The following TBCEL variants were observed in gnomAD, a reference collection of about 807,000 sequenced individuals.
The protein encoded by TBCEL is tubulin-specific chaperone cofactor E-like protein.
Under a neutral mutation model 44.2 loss-of-function variants are expected in TBCEL, and 15 were observed. The observed-to-expected ratio is 0.34, with a 90% CI of 0.23 to 0.52. The LOEUF is 0.52. Among genes scored for constraint, TBCEL ranks in the 20% least tolerant of loss-of-function variants. TBCEL has a pLI of 0.95. For missense variants in TBCEL, 319 were observed against 506.3 expected (o/e 0.63, Z 3.55); for synonymous variants, 171 against 185.4 (o/e 0.92, Z 0.63).
At chr11:121,058,747 C>G (rs1307607574) in intron 7 of TBCEL, among the ~76,000 whole-genome samples, 2 of 151,840 alleles carry the variant, frequency 1.3e-5, no homozygotes, top group Non-Finnish European at 2.9e-5. Context: ...TATTTGAAGT[C>G]CTGTTTTGGG....
chr11:121,061,956 G>GT (rs765614289), intron 8 of TBCEL, among the ~76,000 whole-genome samples: 2 of 151,892 alleles, frequency 1.3e-5, no homozygotes, highest in African/African-American at 2.4e-5. Context: ...TTTTTAAAAC[G>GT]TTTTGACTCT....
At chr11:121,038,510 G>A (rs562853954) in intron 2 of TBCEL, among the ~76,000 whole-genome samples, 2 of 152,194 alleles carry the variant, frequency 1.3e-5, no homozygotes, top group Admixed American at 1.3e-4. Flanking sequence ...ACAGTGGATA[G>A]TTGTTCAAAA....
At position 121,069,347 on chromosome 11, in the gene TBCEL, G is replaced by A. The variant is rs11218134; in HGVS notation, c.956+9262G>A. Among the ~76,000 whole-genome samples the A allele has an allele frequency of 4.1e-4, 63 of 152,224 alleles. No homozygotes were observed. In the East Asian group the frequency reaches 0.01, roughly 25 times the overall value. ...GGAGGACTTAGGTCTGCTGGAAGAGGGTACTTTCCTGGAAAATGATTGAGT... is the reference window on the plus strand; with the variant it reads ...GGAGGACTTAGGTCTGCTGGAAGAGAGTACTTTCCTGGAAAATGATTGAGT... On this transcript the variant is annotated intron_variant, in intron 8 of 8. Coordinates refer to ENST00000683345, the MANE Select transcript of TBCEL (RefSeq NM_001363644.2).
At chr11:121,044,293 G>T (rs748468826) in intron 2 of TBCEL, among the ~76,000 whole-genome samples, 1 of 151,944 alleles carries the variant, frequency 6.6e-6, no homozygotes, top group Non-Finnish European at 1.5e-5. Flanking sequence ...CTAAAACTTC[G>T]TTGTTGTATT....
chr11:121,026,050 T>C (rs928819708), intron 1 of TBCEL, among the ~76,000 whole-genome samples: 16 of 152,214 alleles, frequency 1.1e-4, no homozygotes, highest in Non-Finnish European at 1.6e-4. Flanking sequence ...TCTTTTCTGC[T>C]ATTTAAAAAC....
chr11:121,054,892 T>C (rs1188984785), intron 5 of TBCEL, 160 bp from the exon 6 acceptor site: 4 of 666,428 alleles, frequency 6.0e-6, no homozygotes, highest in African/African-American at 1.9e-5. Context: ...TTCCCAGCTA[T>C]ATTTTGAACT....
At chr11:121,026,098 T>C (rs1487162749) in intron 1 of TBCEL, among the ~76,000 whole-genome samples, 2 of 152,216 alleles carry the variant, frequency 1.3e-5, no homozygotes, top group Non-Finnish European at 2.9e-5. Context: ...TATTATGATA[T>C]ACTTTTTGCT....
intron 1 of TBCEL, among the ~76,000 whole-genome samples, chr11:121,028,563 A>G (rs1464847446): frequency 1.3e-5 from 2 of 152,224 alleles, no homozygotes; most frequent in African/African-American, 2.4e-5. Context: ...AAATGGGATA[A>G]TAGTACCCCT....
At chr11:121,073,795 T>A (rs1945982605) in intron 8 of TBCEL, among the ~76,000 whole-genome samples, 1 of 151,940 alleles carries the variant, frequency 6.6e-6, no homozygotes, top group South Asian at 2.1e-4. Context: ...GACATTGAAT[T>A]TTGTAGAATG....
chr11:121,075,076 G>A (rs777089531), intron 8 of TBCEL, among the ~76,000 whole-genome samples: 1 of 151,752 alleles, frequency 6.6e-6, no homozygotes, highest in South Asian at 2.1e-4. Flanking sequence ...TACACACAAG[G>A]GCGTGTGTAT....
chr11:121,074,134 G>A (rs1945989943), intron 8 of TBCEL, among the ~76,000 whole-genome samples: 1 of 151,862 alleles, frequency 6.6e-6, no homozygotes, highest in African/African-American at 2.4e-5. Flanking sequence ...AGTCACTTAC[G>A]ATTTGGGGGT....
chr11:121,043,379 A>G (rs1362944364), intron 2 of TBCEL, among the ~76,000 whole-genome samples: 1 of 152,186 alleles, frequency 6.6e-6, no homozygotes, highest in African/African-American at 2.4e-5. Context: ...CATAAGAAAA[A>G]TACCTAACGT....
intron 8 of TBCEL, among the ~76,000 whole-genome samples, chr11:121,061,508 A>G (rs899549126): frequency 6.6e-5 from 10 of 152,064 alleles, no homozygotes; most frequent in South Asian, 2.1e-4. Context: ...TGCAAACATC[A>G]TAGAGTATAC....
chr11:121,035,862 G>A (rs1945222628), intron 1 of TBCEL: 1 of 152,200 alleles, frequency 6.6e-6, no homozygotes, highest in African/African-American at 2.4e-5. Context: ...AGACCACTCA[G>A]TACTGTTGCT....
At chr11:121,061,182 C>T (rs938841915) in intron 8 of TBCEL, among the ~76,000 whole-genome samples, 3 of 151,898 alleles carry the variant, frequency 2.0e-5, no homozygotes, top group African/African-American at 7.3e-5. Context: ...TTAACACAAC[C>T]TAGGTATATT....
chr11:121,056,196 C>G (rs1018012839), intron 6 of TBCEL, among the ~76,000 whole-genome samples: 3 of 151,780 alleles, frequency 2.0e-5, no homozygotes, highest in African/African-American at 4.8e-5. Context: ...ATAGTTTTGC[C>G]TTTTCCAGAA....
At chr11:121,033,004 CTTAGCA>C (rs1269491533) in intron 1 of TBCEL, among the ~76,000 whole-genome samples, 3 of 152,122 alleles carry the variant, frequency 2.0e-5, no homozygotes, top group Non-Finnish European at 2.9e-5. Flanking sequence ...TTTTAGGAAA[CTTAGCA>C]TTAGCACTTT....
chr11:121,074,378 A>T (rs1187872404), intron 8 of TBCEL, among the ~76,000 whole-genome samples: 1 of 152,068 alleles, frequency 6.6e-6, no homozygotes, highest in Non-Finnish European at 1.5e-5. Flanking sequence ...AAGTGTTCAC[A>T]AAACAATACA....
At chr11:121,061,554 CTA>C (rs997421439) in intron 8 of TBCEL, among the ~76,000 whole-genome samples, 14 of 151,998 alleles carry the variant, frequency 9.2e-5, no homozygotes, top group African/African-American at 3.4e-4. Context: ...TACTACACAC[CTA>C]GGCTATATGG....
Sources: allele counts gnomAD v4.1 joint callset (sites outside exome capture counted in the v4.1 genomes callset), GRCh38; gene constraint gnomAD v4.1.1; transcripts MANE v1.5; gene names NCBI Gene and HGNC (gene_info 2026-07-23, HGNC 2026-07-21).